The following CTNNA3 variants were observed in gnomAD, a reference collection of about 807,000 sequenced individuals.
CTNNA3 encodes the protein catenin alpha 3.
Under a neutral mutation model 95.7 loss-of-function variants are expected in CTNNA3, and 76 were observed. The ratio of observed to expected loss-of-function variants is 0.79; its 90% CI spans 0.66 to 0.96. The LOEUF is 0.96. Ranked by LOEUF, CTNNA3 falls within the 40% of genes least tolerant of loss-of-function variation. CTNNA3 has a pLI of 0.00. For missense variants in CTNNA3, 1,191 were observed against 1,089.8 expected, an observed-to-expected ratio of 1.09 and a Z score of -1.31; for synonymous variants, 431 against 374.4, an observed-to-expected ratio of 1.15 and a Z score of -1.74.
chr10:66,034,666 A>G (rs1255283455), intron 15 of CTNNA3, among the ~76,000 whole-genome samples: 1 of 152,216 alleles, frequency 6.6e-6, no homozygotes, highest in East Asian at 1.9e-4. Flanking sequence ...ATGCACTGTG[A>G]GTATTCCAGA....
At chr10:67,463,738 C>T (rs989135382) in intron 5 of CTNNA3, among the ~76,000 whole-genome samples, 6 of 152,184 alleles carry the variant, frequency 3.9e-5, no homozygotes, top group Non-Finnish European at 8.8e-5. Context: ...ATAGGCTTTG[C>T]AGGCCATATA....
intron 4 of CTNNA3, among the ~76,000 whole-genome samples, chr10:67,525,256 T>C (rs1314377666): frequency 6.6e-6 from 1 of 151,138 alleles, no homozygotes; most frequent in African/African-American, 2.4e-5. Context: ...AAGATAAGAA[T>C]GGGTAGAGGA....
At chr10:65,949,511 A>G (rs1194060728) in intron 17 of CTNNA3, among the ~76,000 whole-genome samples, 1 of 152,204 alleles carries the variant, frequency 6.6e-6, no homozygotes, top group East Asian at 1.9e-4. Context: ...ACCCACAAAG[A>G]GAGCCTGAGA....
intron 7 of CTNNA3, among the ~76,000 whole-genome samples, chr10:67,067,457 C>T (rs2131836881): frequency 6.6e-6 from 1 of 152,294 alleles, no homozygotes; most frequent in Non-Finnish European, 1.5e-5. Context: ...AACATTTCCA[C>T]AATTCATTTC....
chr10:65,958,283 G>A (rs1389144615), intron 17 of CTNNA3, among the ~76,000 whole-genome samples: 5 of 151,776 alleles, frequency 3.3e-5, no homozygotes, highest in African/African-American at 4.8e-5. Context: ...TTAGCCATTC[G>A]TCAAATTTTT....
chr10:66,734,660 G>A (rs760237428), intron 9 of CTNNA3, among the ~76,000 whole-genome samples: 4 of 151,970 alleles, frequency 2.6e-5, no homozygotes, highest in Admixed American at 6.6e-5. Context: ...TCAGGAGTTC[G>A]AGACCAGCCT....
chr10:66,295,752 T>C (rs1188442395), intron 12 of CTNNA3, among the ~76,000 whole-genome samples: 1 of 152,146 alleles, frequency 6.6e-6, no homozygotes, highest in Admixed American at 6.5e-5. Flanking sequence ...TCACATATCT[T>C]AGTTACCGCT....
chr10:67,494,897 G>T (rs12411823), intron 5 of CTNNA3, among the ~76,000 whole-genome samples: 6,274 of 152,218 alleles, frequency 0.041, 150 homozygotes, highest in South Asian at 0.1. Context: ...CCAAAGAGTT[G>T]TGTTGCCAGA....
chr10:67,119,340 G>A (rs1237144112), intron 7 of CTNNA3, among the ~76,000 whole-genome samples: 2 of 151,804 alleles, frequency 1.3e-5, no homozygotes, highest in South Asian at 2.1e-4. Flanking sequence ...AAACTCAGAC[G>A]TTAACCATTG....
chr10:66,426,204 C>T (rs1307540326), intron 11 of CTNNA3, among the ~76,000 whole-genome samples: 10 of 151,922 alleles, frequency 6.6e-5, no homozygotes, highest in Non-Finnish European at 1.5e-5. Flanking sequence ...TTGGCTAGTA[C>T]TTGTCTTTTG....
At chr10:67,009,326 A>G (rs1852186948) in intron 7 of CTNNA3, among the ~76,000 whole-genome samples, 1 of 151,364 alleles carries the variant, frequency 6.6e-6, no homozygotes, top group African/African-American at 2.4e-5. Context: ...ATTTTATGGG[A>G]TTTTTTTCAA....
chr10:66,921,410 T>C (rs1212936515), intron 7 of CTNNA3, among the ~76,000 whole-genome samples: 2 of 152,180 alleles, frequency 1.3e-5, no homozygotes, highest in South Asian at 2.1e-4. Flanking sequence ...ATACTAACTC[T>C]GCACAAAAAT....
chr10:66,335,926 A>G (rs2092390031), intron 12 of CTNNA3, among the ~76,000 whole-genome samples: 1 of 152,076 alleles, frequency 6.6e-6, no homozygotes, highest in African/African-American at 2.4e-5. Context: ...AGCCTGGGCA[A>G]TGGCGGGGTG....
chr10:65,933,524 T>C (rs761947730), intron 17 of CTNNA3, among the ~76,000 whole-genome samples: 1 of 152,174 alleles, frequency 6.6e-6, no homozygotes, highest in African/African-American at 2.4e-5. Context: ...GTGTTCTGCA[T>C]GTGAATGTGC....
At chr10:66,653,799 T>C (rs1167777596) in intron 9 of CTNNA3, among the ~76,000 whole-genome samples, 4 of 152,074 alleles carry the variant, frequency 2.6e-5, no homozygotes, top group Admixed American at 6.5e-5. Flanking sequence ...AATGAACCCA[T>C]GTATATATGA....
At chr10:66,620,945 T>A (rs1844723569) in intron 10 of CTNNA3, among the ~76,000 whole-genome samples, 1 of 152,158 alleles carries the variant, frequency 6.6e-6, no homozygotes, top group South Asian at 2.1e-4. Flanking sequence ...AGTATCCGTA[T>A]TATATCCTGC....
At chr10:67,439,595 A>G (rs1401412140) in intron 5 of CTNNA3, among the ~76,000 whole-genome samples, 1 of 152,108 alleles carries the variant, frequency 6.6e-6, no homozygotes, top group Non-Finnish European at 1.5e-5. Flanking sequence ...ATCACCTCCC[A>G]CTAGGCCCCC....
At chr10:67,696,758 G>A (rs1212091339), upstream of CTNNA3, among the ~76,000 whole-genome samples, 1 of 150,370 alleles carries the variant, frequency 6.7e-6, no homozygotes, top group Non-Finnish European at 1.5e-5. Flanking sequence ...TTCTCTCTAT[G>A]ACTATTCTTT....
At chr10:67,429,647 A>G (rs1447520831) in intron 5 of CTNNA3, among the ~76,000 whole-genome samples, 1 of 152,034 alleles carries the variant, frequency 6.6e-6, no homozygotes, top group African/African-American at 2.4e-5. Flanking sequence ...GAAAAAGTAT[A>G]AAAACATCCA....
Sources: gnomAD v4.1 joint callset for allele counts (sites outside exome capture counted in the v4.1 genomes callset) on GRCh38, gnomAD v4.1.1 for gene constraint, MANE v1.5 for transcripts, NCBI Gene and HGNC (gene_info 2026-07-23, HGNC 2026-07-21) for gene names.